The following ANKRD55 variants were observed in gnomAD, a reference collection of about 807,000 sequenced individuals.
ANKRD55 encodes ankyrin repeat domain-containing protein 55.
In ANKRD55, 41 loss-of-function variants were observed where a neutral mutation model predicts 60.6. The observed-to-expected ratio is 0.68, with a 90% CI of 0.53 to 0.88. The LOEUF (loss-of-function observed/expected upper bound fraction) is 0.88. Ranked by LOEUF, ANKRD55 falls within the 40% of genes least tolerant of loss-of-function variation. The pLI, the probability that ANKRD55 is intolerant of heterozygous loss-of-function variation, is 0.00. For missense variants in ANKRD55, 732 were observed against 767.6 expected (o/e 0.95, Z 0.55); for synonymous variants, 264 against 290.3 (o/e 0.91, Z 0.92).
intron 2 of ANKRD55, among the ~76,000 whole-genome samples, chr5:56,203,121 G>T (rs1395019556): frequency 1.3e-5 from 2 of 152,150 alleles, no homozygotes; most frequent in African/African-American, 4.8e-5. Context: ...CTTTTCTGAT[G>T]TTAAAATATT....
At chr5:56,107,048 G>A (rs1464011592) in intron 10 of ANKRD55, among the ~76,000 whole-genome samples, 2 of 145,228 alleles carry the variant, frequency 1.4e-5, no homozygotes, top group African/African-American at 5.0e-5. Context: ...ACTCTCTTTT[G>A]ATAAATCAAC....
At chr5:56,222,317 A>C (rs1027266519) in intron 2 of ANKRD55, among the ~76,000 whole-genome samples, 2 of 152,236 alleles carry the variant, frequency 1.3e-5, no homozygotes, top group African/African-American at 4.8e-5. Context: ...AGAAACAGAA[A>C]GGACATCCAC....
In ANKRD55 at chr5:56,111,169, G is replaced by A. The variant is rs371318191; in HGVS notation, c.1579C>T (p.Gln527Ter). 1.2e-6 allele frequency: 2 copies of A among 1,614,076 alleles called. No homozygotes were observed. The highest frequency in any genetic ancestry group is 1.7e-6 in the Non-Finnish European group (2 of 1,180,042). Residue 527 changes from glutamine (Q) to a stop codon, truncating the protein, a stop_gained, in exon 10 of 12, where the codon CAA becomes TAA. Transcript: ENST00000341048. LOFTEE classifies it high-confidence loss of function. ...AGGTGTGGTGGCACGGAGACCTCTT[G>A]GTGACCAGGCCGGACACTGAGCAAT... ...DRLLSVRPGH[Q>*]EVSVPPHLRH...
At position 56,224,507 on chromosome 5, in the gene ANKRD55, T is replaced by C. The variant is rs188975412; in HGVS notation, c.58+8349A>G. On this transcript the variant is annotated intron_variant, in intron 2 of 11. Transcript: ENST00000341048. ...AAGATTAGAGCAGAACTGAAGGAGA[T>C]AGAGACACAAAAAACCCTTCAAAAA... Among the ~76,000 whole-genome samples, 1,019 of 152,032 alleles carry C rather than the reference T, an allele frequency of 6.7e-3. 7 individuals carry two copies. Among genetic ancestry groups the C allele is most frequent in the African/African-American group, 0.024 (996 of 41,452 alleles).
intron 7 of ANKRD55, among the ~76,000 whole-genome samples, chr5:56,141,452 G>GA (rs1231109323): frequency 2.0e-5 from 3 of 152,192 alleles, no homozygotes; most frequent in African/African-American, 7.2e-5. Context: ...ACAACTGAAT[G>GA]AAAATCTAAG....
At chr5:56,122,176 C>T (rs1462243228) in intron 8 of ANKRD55, among the ~76,000 whole-genome samples, 1 of 152,160 alleles carries the variant, frequency 6.6e-6, no homozygotes, top group Non-Finnish European at 1.5e-5. Context: ...TGCTCTGTGC[C>T]TATGCATTAT....
At position 56,165,785 on chromosome 5, in the gene ANKRD55, C is replaced by T. The variant is rs553454460; in HGVS notation, c.422+4909G>A. On this transcript the variant is annotated intron_variant, in intron 5 of 11. Coordinates refer to ENST00000341048, the MANE Select transcript of ANKRD55 (RefSeq NM_024669.3). ...TCTCTACTAAAAATACAAAATTTTCCGGGCATGGTGGTGCGTGTCTGTAAT... is the reference window on the plus strand; with the variant it reads ...TCTCTACTAAAAATACAAAATTTTCTGGGCATGGTGGTGCGTGTCTGTAAT... 6.4e-4 allele frequency among the ~76,000 whole-genome samples: 98 copies of T among 152,084 alleles called. 1 individual carries two copies. In the Middle Eastern group the frequency reaches 0.014, roughly 21 times the overall value.
chr5:56,180,839 C>G lies in ANKRD55; in HGVS notation c.181+2673G>C, dbSNP rs138438945. Among the ~76,000 whole-genome samples, 96 of 152,304 alleles carry G rather than the reference C, an allele frequency of 6.3e-4. 1 individual carries two copies. Among genetic ancestry groups the G allele is most frequent in the African/African-American group, 2.2e-3 (92 of 41,576 alleles). ...GTTGTAGGAGTATGTTGGTAGGTTC[C>G]TTAGGAGTTCCTATGAAGACAATCA... On this transcript the variant is annotated intron_variant, in intron 3 of 11. Coordinates refer to ENST00000341048, the MANE Select transcript of ANKRD55 (RefSeq NM_024669.3).
At chr5:56,126,272 A>G (rs1309718154) in intron 8 of ANKRD55, among the ~76,000 whole-genome samples, 1 of 152,208 alleles carries the variant, frequency 6.6e-6, no homozygotes, top group Non-Finnish European at 1.5e-5. Flanking sequence ...TTGTTGTTAT[A>G]TTTTTCTTAC....
chr5:56,120,279 G>A (rs564369074), intron 8 of ANKRD55, among the ~76,000 whole-genome samples: 1 of 151,958 alleles, frequency 6.6e-6, no homozygotes, highest in Non-Finnish European at 1.5e-5. Flanking sequence ...CGCCGTCCTC[G>A]GCCTCCCAAA....
At chr5:56,106,368 A>T (rs1347654366) in intron 10 of ANKRD55, among the ~76,000 whole-genome samples, 2 of 151,716 alleles carry the variant, frequency 1.3e-5, no homozygotes, top group African/African-American at 4.9e-5. Flanking sequence ...TGATCTCAAA[A>T]CAATTATTGT....
intron 7 of ANKRD55, chr5:56,127,466 T>C: frequency 1.0e-6 from 1 of 985,062 alleles, no homozygotes; most frequent in Non-Finnish European, 1.2e-6. Context: ...GTCTGATCAT[T>C]TGTGTCCCCA....
intron 2 of ANKRD55, among the ~76,000 whole-genome samples, chr5:56,184,862 C>T (rs1332353197): frequency 3.3e-5 from 5 of 151,532 alleles, no homozygotes; most frequent in African/African-American, 4.9e-5. Flanking sequence ...CCACTATACT[C>T]CAGCCTGGAC....
chr5:56,166,199 T>TTCCTTCCTTCCTTCCTTCCTTCCTTCCC, intron 5 of ANKRD55, among the ~76,000 whole-genome samples: 1 of 96,122 alleles, frequency 1.0e-5, no homozygotes, highest in South Asian at 3.2e-4. Flanking sequence ...CCTTCCTTCC[T>TTCCTTCCTTCCTTCCTTCCTTCCTTCCC]TCTCTCTCTC....
At chr5:56,120,873 C>T (rs1279079876) in intron 8 of ANKRD55, among the ~76,000 whole-genome samples, 1 of 141,964 alleles carries the variant, frequency 7.0e-6, no homozygotes, top group Non-Finnish European at 1.5e-5. Context: ...CTACTCTAGC[C>T]TGGGCGACAG....
chr5:56,166,465 G>A (rs1334079697), intron 5 of ANKRD55, among the ~76,000 whole-genome samples: 1 of 151,918 alleles, frequency 6.6e-6, no homozygotes, highest in Non-Finnish European at 1.5e-5. Context: ...GCCTCATTAT[G>A]TTGCCTAAGC....
chr5:56,122,376 C>T (rs915922822), intron 8 of ANKRD55, among the ~76,000 whole-genome samples: 2 of 152,206 alleles, frequency 1.3e-5, no homozygotes, highest in Admixed American at 1.3e-4. Context: ...CTAGGCCAGG[C>T]ACGGTGGCTA....
At chr5:56,187,800 A>T (rs1255012725) in intron 2 of ANKRD55, among the ~76,000 whole-genome samples, 4 of 152,214 alleles carry the variant, frequency 2.6e-5, no homozygotes, top group South Asian at 4.1e-4. Flanking sequence ...GCATGGCCCA[A>T]GATTCCATTT....
chr5:56,138,506 A>G lies in ANKRD55; in HGVS notation c.612+5295T>C, dbSNP rs147154504. Among the ~76,000 whole-genome samples the G allele has an allele frequency of 4.8e-3, 738 of 152,330 alleles. 11 individuals carry two copies. Among genetic ancestry groups the G allele is most frequent in the African/African-American group, 0.016 (680 of 41,566 alleles). On this transcript the variant is annotated intron_variant, in intron 7 of 11. Coordinates refer to ENST00000341048, the MANE Select transcript of ANKRD55 (RefSeq NM_024669.3). ...TGCTCCTTGATATTTACCCAAAGGA[A>G]CTGAAAACTTATGTTTACACAAAAA...
Sources: gnomAD v4.1 joint callset for allele counts (sites outside exome capture counted in the v4.1 genomes callset) on GRCh38, gnomAD v4.1.1 for gene constraint, MANE v1.5 for transcripts, NCBI Gene and HGNC (gene_info 2026-07-23, HGNC 2026-07-21) for gene names.